The following NR3C2 variants were observed in gnomAD, a reference collection of about 807,000 sequenced individuals.
NR3C2 encodes nuclear receptor subfamily 3 group C member 2, also known as mineralocorticoid receptor.
A neutral mutation model predicts 86.4 loss-of-function variants in NR3C2; 15 were observed. The observed-to-expected ratio is 0.17, with a 90% CI of 0.12 to 0.27. The LOEUF (loss-of-function observed/expected upper bound fraction) is 0.27, where lower values mean the gene tolerates loss of function less well. NR3C2 is among the 10% of genes least tolerant of loss of function. The pLI is 1.00. For missense variants in NR3C2, 960 were observed against 1,195.6 expected, an observed-to-expected ratio of 0.80 and a Z score of 2.91; for synonymous variants, 458 against 450.5, an observed-to-expected ratio of 1.02 and a Z score of -0.21.
chr4:148,328,772 G>A (rs900458615), intron 2 of NR3C2, among the ~76,000 whole-genome samples: 1 of 152,122 alleles, frequency 6.6e-6, no homozygotes, highest in Admixed American at 6.5e-5. Flanking sequence ...ATGAGCCTGG[G>A]GCTGTGCTGG....
At chr4:148,093,022 T>TC (rs1460994785) in intron 8 of NR3C2, among the ~76,000 whole-genome samples, 16 of 152,176 alleles carry the variant, frequency 1.1e-4, no homozygotes, top group African/African-American at 3.9e-4. Flanking sequence ...GCAATAAGAG[T>TC]CCCGCATTGT....
At chr4:148,316,743 T>A (rs761639675) in intron 2 of NR3C2, among the ~76,000 whole-genome samples, 69 of 152,322 alleles carry the variant, frequency 4.5e-4, no homozygotes, top group Middle Eastern at 6.8e-3. Context: ...GTTTTGAACA[T>A]TCCACTTAAA....
At chr4:148,427,707 C>T (rs1348945757) in intron 2 of NR3C2, among the ~76,000 whole-genome samples, 1 of 152,018 alleles carries the variant, frequency 6.6e-6, no homozygotes, top group Non-Finnish European at 1.5e-5. Context: ...AAAGTGTCTT[C>T]AGGGATGGGA....
At chr4:148,440,808 C>CA (rs1298015161) in intron 1 of NR3C2, among the ~76,000 whole-genome samples, 2 of 152,106 alleles carry the variant, frequency 1.3e-5, no homozygotes, top group Admixed American at 6.5e-5. Flanking sequence ...GGAATATTAA[C>CA]AAAGATCCTT....
chr4:148,263,157 G>T (rs866456636), intron 2 of NR3C2, among the ~76,000 whole-genome samples: 10 of 152,080 alleles, frequency 6.6e-5, no homozygotes, highest in Non-Finnish European at 1.2e-4. Context: ...AGCTCGCTTG[G>T]TGAATGACTT....
chr4:148,269,991 A>G (rs1264143049), intron 2 of NR3C2, among the ~76,000 whole-genome samples: 2 of 152,188 alleles, frequency 1.3e-5, no homozygotes, highest in Non-Finnish European at 2.9e-5. Context: ...ATGCTGATAC[A>G]GATGGCATGA....
At chr4:148,432,623 T>C (rs2126643340) in intron 2 of NR3C2, among the ~76,000 whole-genome samples, 1 of 152,294 alleles carries the variant, frequency 6.6e-6, no homozygotes, top group South Asian at 2.1e-4. Flanking sequence ...AGAAGCAGTA[T>C]ACACTGCCTT....
At chr4:148,432,382 G>T (rs939209739) in intron 2 of NR3C2, among the ~76,000 whole-genome samples, 3 of 152,020 alleles carry the variant, frequency 2.0e-5, no homozygotes, top group African/African-American at 7.2e-5. Context: ...TTCCTTAAAG[G>T]TTAGTTTCAA....
chr4:148,160,427 C>T lies in NR3C2; in HGVS notation c.2015-5526G>A, dbSNP rs150720473. On this transcript the variant is annotated intron_variant, in intron 4 of 8. Coordinates refer to ENST00000358102, the MANE Select transcript of NR3C2 (RefSeq NM_000901.5). ...CTCCTGAGGCTGGTATGACCTGCTA[C>T]ATACCCTTTTGACAAGCCACTGTTG... Among the ~76,000 whole-genome samples the T allele has an allele frequency of 3.9e-3, 592 of 152,240 alleles. 5 individuals are homozygous for T. Among genetic ancestry groups the T allele is most frequent in the African/African-American group, 0.014 (563 of 41,540 alleles).
In NR3C2 at chr4:148,435,868, T is replaced by C. The variant is rs1579296255; in HGVS notation, c.993A>G (p.Gly331=). 6.2e-7 allele frequency: 1 copy of C among 1,614,170 alleles called. No homozygotes were observed. Among genetic ancestry groups the C allele is most frequent in the Non-Finnish European group, 8.5e-7 (1 of 1,180,014 alleles). Residue 331 remains glycine, a synonymous_variant, in exon 2 of 9, where the codon GGA becomes GGG. Coordinates refer to ENST00000358102, the MANE Select transcript of NR3C2 (RefSeq NM_000901.5). ...CATTGTTTACAGGGCTACAGATAGA[T>C]CCCACAGTACTGGCTGCCGGACTGG... is the stretch of plus-strand genomic sequence containing the variant. ...TLSSPAASTV[G]SICSPVNNAF...
At chr4:148,166,764 C>T (rs887131828) in intron 4 of NR3C2, among the ~76,000 whole-genome samples, 3 of 150,928 alleles carry the variant, frequency 2.0e-5, no homozygotes, top group Non-Finnish European at 4.4e-5. Flanking sequence ...TCCATTCATA[C>T]GAGATTGAAC....
Position 148,158,996 on chromosome 4 carries a change from C to G in NR3C2, c.2015-4095G>C, listed in dbSNP as rs543081712. On this transcript the variant is annotated intron_variant, in intron 4 of 8. Transcript: ENST00000358102. ...GTGTATCTTCAGCCATGCGTATTTA[C>G]CCAATATCTTTTCTAAAAGGGCCAA... Among the ~76,000 whole-genome samples the G allele has an allele frequency of 4.6e-5, 7 of 152,234 alleles. 1 individual carries two copies. The South Asian group carries it at 1.5e-3, about 32-fold the overall frequency.
chr4:148,339,125 G>A (rs543884882), intron 2 of NR3C2, among the ~76,000 whole-genome samples: 8 of 152,136 alleles, frequency 5.3e-5, no homozygotes, highest in Non-Finnish European at 1.2e-4. Flanking sequence ...ACAGCCTTTG[G>A]AGGTAGATGG....
chr4:148,295,711 A>C (rs1742015361), intron 2 of NR3C2, among the ~76,000 whole-genome samples: 1 of 151,530 alleles, frequency 6.6e-6, no homozygotes, highest in African/African-American at 2.4e-5. Flanking sequence ...ACTGCCTCCC[A>C]TTAGAACCTA....
chr4:148,252,754 T>C (rs1386052090), intron 3 of NR3C2, among the ~76,000 whole-genome samples: 1 of 152,158 alleles, frequency 6.6e-6, no homozygotes, highest in Admixed American at 6.5e-5. Context: ...CATATATTCT[T>C]TATATCATCT....
At chr4:148,336,369 G>A (rs539422149) in intron 2 of NR3C2, among the ~76,000 whole-genome samples, 28 of 152,292 alleles carry the variant, frequency 1.8e-4, no homozygotes, top group Middle Eastern at 3.4e-3. Flanking sequence ...ATGCCCAGGA[G>A]GGCTCCAAAG....
intron 2 of NR3C2, among the ~76,000 whole-genome samples, chr4:148,304,895 C>CT (rs34499764): frequency 0.044 from 6,155 of 140,554 alleles, 415 homozygotes; most frequent in African/African-American, 0.15. Context: ...TGGCAGGACC[C>CT]TTTTTTTTTT....
At chr4:148,346,889 G>A (rs1858416) in intron 2 of NR3C2, among the ~76,000 whole-genome samples, 28,625 of 152,036 alleles carry the variant, frequency 0.19, 3,525 homozygotes, top group African/African-American at 0.35. Flanking sequence ...ACTGAAGTTT[G>A]GAAGAGTAAA....
chr4:148,197,116 C>T (rs1448512713), intron 3 of NR3C2, among the ~76,000 whole-genome samples: 1 of 152,142 alleles, frequency 6.6e-6, no homozygotes, highest in African/African-American at 2.4e-5. Flanking sequence ...CATTGCTGTG[C>T]CTCAAGGCCA....
Sources: gnomAD v4.1 joint callset for allele counts (sites outside exome capture counted in the v4.1 genomes callset) on GRCh38, gnomAD v4.1.1 for gene constraint, MANE v1.5 for transcripts, NCBI Gene and HGNC (gene_info 2026-07-23, HGNC 2026-07-21) for gene names.